FREM3: variants seen among roughly 807,000 people sequenced by gnomAD.
The protein encoded by FREM3 is FRAS1 related extracellular matrix 3.
FREM3 carries 105 observed loss-of-function variants against 129.1 expected under a neutral mutation model. That is an observed-to-expected ratio of 0.81 (90% confidence interval 0.69 to 0.96). The LOEUF (loss-of-function observed/expected upper bound fraction) is 0.96, where lower values mean the gene tolerates loss of function less well. Ranked by LOEUF, FREM3 falls within the 40% of genes least tolerant of loss-of-function variation. The pLI, the probability that FREM3 is intolerant of heterozygous loss-of-function variation, is 0.00. For missense variants in FREM3, 2,593 were observed against 2,666.3 expected, an observed-to-expected ratio of 0.97 and a Z score of 0.61; for synonymous variants, 1,014 against 1,044.9, an observed-to-expected ratio of 0.97 and a Z score of 0.57.
intron 2 of FREM3, among the ~76,000 whole-genome samples, chr4:143,674,186 C>A (rs1043869050): frequency 1.1e-4 from 16 of 151,856 alleles, no homozygotes; most frequent in Admixed American, 9.8e-4. Context: ...GCAGAAATCA[C>A]CCATCTTCTG....
chr4:143,699,522 A>C lies in FREM3; in HGVS notation c.1154T>G (p.Leu385Arg). ...TGCAGGGGGCTGATAGGCAATCTTC[A>C]GCTCCCTCAGCTCCTGCTGGGTGAA... is the stretch of plus-strand genomic sequence containing the variant. ...SFFTQQELRE[L>R]KIAYQPPAEN... is the part of the protein sequence containing the mutation. The change falls in exon 1 of 8, where the codon CTG becomes CGG. Residue 385 changes from leucine (L) to arginine (R), a missense_variant. Around this residue, in one of 2 missense-constraint regions of FREM3, gnomAD observed 2,276 missense variants for 2,267.2 expected, o/e 1.00. Coordinates refer to ENST00000329798, the MANE Select transcript of FREM3 (RefSeq NM_001168235.2). This position sits in a 1 kb window ranked among gnomAD's most constrained non-coding sequence, Gnocchi z 4.2. 1 of 1,537,234 alleles carries C rather than the reference A, an allele frequency of 6.5e-7. No individual in the cohort carries two copies.
chr4:143,644,920 C>T (rs1365634787), intron 2 of FREM3, among the ~76,000 whole-genome samples: 5 of 152,114 alleles, frequency 3.3e-5, no homozygotes, highest in Non-Finnish European at 7.4e-5. Flanking sequence ...GCACCATTTC[C>T]CCTCAAATCT....
intron 2 of FREM3, among the ~76,000 whole-genome samples, chr4:143,629,710 T>C (rs1442251381): frequency 6.6e-6 from 1 of 152,196 alleles, no homozygotes; most frequent in African/African-American, 2.4e-5. Flanking sequence ...TACTGTCACA[T>C]GTTTTATTCT....
chr4:143,694,963 C>A (rs990983898), intron 1 of FREM3, among the ~76,000 whole-genome samples: 1 of 152,132 alleles, frequency 6.6e-6, no homozygotes, highest in Non-Finnish European at 1.5e-5. Context: ...TTAGTAGTGA[C>A]ACCAAATATA....
Position 143,621,037 on chromosome 4 carries a change from C to T in FREM3, c.5779G>A (p.Gly1927Ser), listed in dbSNP as rs908655953. The T allele has an allele frequency of 2.0e-6, 3 of 1,537,266 alleles. No individual in the cohort carries two copies. Among genetic ancestry groups the T allele is most frequent in the African/African-American group, 2.7e-5 (2 of 73,012 alleles). ...ELIVICSTRQ[G>S]SATGTISSTV... The stretch of plus-strand genomic sequence containing the variant: ...AACAGGACCCCACAGAGCCTCATAC[C>T]TTGACGTGTGGAGCAAATGACGATT... The change falls in exon 5 of 8, where the codon GGT (glycine) becomes AGT (serine). Residue 1927 changes from glycine (G) to serine (S), a missense_variant and splice_region_variant. By Grantham distance (56) the Gly-to-Ser change is moderately conservative. Transcript: ENST00000329798.
Position 143,696,424 on chromosome 4 carries a change from T to C in FREM3, c.4252A>G (p.Thr1418Ala). The C allele has an allele frequency of 6.5e-7, 1 of 1,537,568 alleles. No individual in the cohort carries two copies. Among genetic ancestry groups the C allele is most frequent in the Non-Finnish European group, 8.7e-7 (1 of 1,146,924 alleles). ...AAGACGCTGTCTAAGTTGCCAATGG[T>C]GACATAGAAGTAGTGGTCTGTCAAA... ...NTLTDHYFYV[T>A]IGNLDSVFPE... The change falls in exon 1 of 8, where the codon ACC becomes GCC. Residue 1418 changes from threonine (T) to alanine (A), a missense_variant. Physicochemically the swap from Thr to Ala is moderately conservative, Grantham distance 58. Around this residue, in one of 2 missense-constraint regions of FREM3, gnomAD observed 2,276 missense variants for 2,267.2 expected, o/e 1.00. Coordinates refer to ENST00000329798, the MANE Select transcript of FREM3 (RefSeq NM_001168235.2).
intron 6 of FREM3, among the ~76,000 whole-genome samples, chr4:143,599,838 C>T (rs1738542649): frequency 6.6e-6 from 1 of 152,158 alleles, no homozygotes; most frequent in African/African-American, 2.4e-5. Context: ...AGACCAGGGT[C>T]TTGTTGATAC....
At chr4:143,655,086 A>C (rs914585820) in intron 2 of FREM3, among the ~76,000 whole-genome samples, 2 of 151,996 alleles carry the variant, frequency 1.3e-5, no homozygotes, top group Non-Finnish European at 2.9e-5. Flanking sequence ...GGAGGGGTGC[A>C]AGGCAGCAGA....
At chr4:143,672,488 T>C (rs1314127020) in intron 2 of FREM3, among the ~76,000 whole-genome samples, 1 of 152,262 alleles carries the variant, frequency 6.6e-6, no homozygotes, top group Non-Finnish European at 1.5e-5. Flanking sequence ...CTTCCCTTTG[T>C]GGGTAACCTG....
intron 2 of FREM3, among the ~76,000 whole-genome samples, chr4:143,665,959 G>T (rs192650191): frequency 9.2e-5 from 14 of 152,142 alleles, no homozygotes; most frequent in African/African-American, 2.2e-4. Context: ...AGCACATTTT[G>T]TTCTGAAAGC....
intron 2 of FREM3, among the ~76,000 whole-genome samples, chr4:143,652,587 T>G (rs1204771918): frequency 6.6e-6 from 1 of 152,194 alleles, no homozygotes; most frequent in Non-Finnish European, 1.5e-5. Flanking sequence ...CTTTGGGTCT[T>G]GTGAGTTAGG....
At position 143,696,941 on chromosome 4, in the gene FREM3, C is replaced by T; in HGVS notation, c.3735G>A (p.Leu1245=). The T allele has an allele frequency of 6.5e-7, 1 of 1,537,552 alleles. No individual in the cohort carries two copies. The highest frequency in any genetic ancestry group is 8.7e-7 in the Non-Finnish European group (1 of 1,147,002). The change falls in exon 1 of 8, where the codon CTG becomes CTA. Residue 1245 remains leucine (L), a synonymous_variant. Transcript: ENST00000329798. ...TGTGGATGGGCTGGCTGCCTGTAGC[C>T]AGCTGCTGTATGATTCGTCCATGCC... The part of the protein sequence containing the change: ...LPRHGRIIQQ[L]ATGSQPIHSF...
intron 7 of FREM3, among the ~76,000 whole-genome samples, chr4:143,581,477 C>G (rs1738141822): frequency 6.6e-6 from 1 of 152,180 alleles, no homozygotes; most frequent in African/African-American, 2.4e-5. Context: ...CAGCTCAGGA[C>G]TGCAAAGCAG....
At chr4:143,694,048 C>G (rs1740522840) in intron 1 of FREM3, among the ~76,000 whole-genome samples, 1 of 152,126 alleles carries the variant, frequency 6.6e-6, no homozygotes, top group South Asian at 2.1e-4. Context: ...CGACTGGGTA[C>G]TGGGCTTAAA....
intron 2 of FREM3, among the ~76,000 whole-genome samples, chr4:143,691,199 T>C (rs1255409791): frequency 6.6e-6 from 1 of 152,186 alleles, no homozygotes; most frequent in Non-Finnish European, 1.5e-5. Context: ...CTGTGTTTGA[T>C]CATTCTTATC....
At chr4:143,660,160 G>T (rs539498216) in intron 2 of FREM3, among the ~76,000 whole-genome samples, 3 of 150,398 alleles carry the variant, frequency 2.0e-5, no homozygotes, top group Admixed American at 6.6e-5. Flanking sequence ...CCTTGCCCAT[G>T]CCTATGTCCT....
At chr4:143,593,219 C>T (rs956708388) in intron 6 of FREM3, among the ~76,000 whole-genome samples, 1 of 152,180 alleles carries the variant, frequency 6.6e-6, no homozygotes, top group Non-Finnish European at 1.5e-5. Context: ...TCTATTGAAG[C>T]CTTCCTCTCT....
intron 6 of FREM3, among the ~76,000 whole-genome samples, chr4:143,590,881 G>T (rs1738348009): frequency 6.6e-6 from 1 of 152,042 alleles, no homozygotes; most frequent in African/African-American, 2.4e-5. Flanking sequence ...TCTTTTTTTG[G>T]TTGGTAAGCT....
intron 7 of FREM3, among the ~76,000 whole-genome samples, chr4:143,583,627 C>T (rs1002520301): frequency 1.2e-4 from 18 of 151,566 alleles, no homozygotes; most frequent in African/African-American, 4.1e-4. Flanking sequence ...ACTCTACAGG[C>T]CAGAAGAGAT....
Sources: gnomAD v4.1 joint callset for allele counts (sites outside exome capture counted in the v4.1 genomes callset) on GRCh38, gnomAD v4.1.1 for gene constraint, gnomAD v4.1.1 regional missense constraint, Gnocchi (gnomAD v3.1) non-coding constraint, MANE v1.5 for transcripts, NCBI Gene and HGNC (gene_info 2026-07-23, HGNC 2026-07-21) for gene names.